The following TTLL5 variants were observed in gnomAD, a reference collection of about 807,000 sequenced individuals.
The protein encoded by TTLL5 is tubulin tyrosine ligase like 5.
Under a neutral mutation model 168.4 loss-of-function variants are expected in TTLL5, and 132 were observed. The observed-to-expected ratio is 0.78, with a 90% CI of 0.68 to 0.91. The LOEUF (loss-of-function observed/expected upper bound fraction) is 0.91. Among genes scored for constraint, TTLL5 ranks in the 40% least tolerant of loss-of-function variants. The pLI is 0.00. For missense variants in TTLL5, 1,545 were observed against 1,581.5 expected (o/e 0.98, Z 0.39); for synonymous variants, 546 against 558.6 (o/e 0.98, Z 0.32).
At chr14:75,880,204 T>A (rs546658318) in intron 29 of TTLL5, among the ~76,000 whole-genome samples, 2 of 151,660 alleles carry the variant, frequency 1.3e-5, no homozygotes, top group East Asian at 1.9e-4. Flanking sequence ...GTATTCTTTT[T>A]AAAAAAAACA....
In TTLL5 at chr14:75,865,818, T is replaced by A. The variant is rs140953540; in HGVS notation, c.3522+1956T>A. Among the ~76,000 whole-genome samples, 67 of 152,322 alleles carry A rather than the reference T, an allele frequency of 4.4e-4. No individual in the cohort carries two copies. In the East Asian group the frequency reaches 0.01, roughly 24 times the overall value. ...CACTGAATTATGAAGTATATGGAAA[T>A]TATGTTTTTTAGAATCTGTCAGAAT... is the stretch of plus-strand genomic sequence containing the variant. On this transcript the variant is annotated intron_variant, in intron 29 of 31. Transcript: ENST00000298832.
intron 3 of TTLL5, among the ~76,000 whole-genome samples, chr14:75,680,719 G>T (rs181959309): frequency 5.3e-5 from 8 of 150,872 alleles, no homozygotes; most frequent in African/African-American, 1.5e-4. Context: ...CCACCTCCCG[G>T]GTTCAAGTGA....
chr14:75,669,274 G>A, intron 2 of TTLL5, 142 bp from the exon 3 acceptor site: 1 of 708,678 alleles, frequency 1.4e-6, no homozygotes, highest in Non-Finnish European at 2.4e-6. Context: ...AAGAATGGGA[G>A]ATGTGATTTC....
chr14:75,927,797 A>G (rs949485349), intron 31 of TTLL5, among the ~76,000 whole-genome samples: 2 of 152,164 alleles, frequency 1.3e-5, no homozygotes, highest in Non-Finnish European at 2.9e-5. Context: ...TGCTTTCGTC[A>G]GCACAGAGCA....
intron 5 of TTLL5, among the ~76,000 whole-genome samples, chr14:75,686,323 T>C (rs1228467508): frequency 1.3e-5 from 2 of 152,218 alleles, no homozygotes; most frequent in African/African-American, 2.4e-5. Flanking sequence ...ATTTTCTTTA[T>C]AACTTTGCCT....
At chr14:75,689,039 G>C (rs1229491829) in intron 5 of TTLL5, among the ~76,000 whole-genome samples, 5 of 152,208 alleles carry the variant, frequency 3.3e-5, no homozygotes, top group African/African-American at 9.6e-5. Flanking sequence ...TATGACAGAA[G>C]TGATTATCGC....
intron 31 of TTLL5, among the ~76,000 whole-genome samples, chr14:75,915,373 A>G (rs1415145038): frequency 4.6e-5 from 7 of 152,120 alleles, no homozygotes; most frequent in Admixed American, 3.9e-4. Flanking sequence ...AGTTCTCTCA[A>G]CCCTTACTTG....
chr14:75,691,333 C>T (rs1885449471), intron 6 of TTLL5, among the ~76,000 whole-genome samples: 1 of 152,160 alleles, frequency 6.6e-6, no homozygotes. Flanking sequence ...GAGCCTGACT[C>T]AGTAGGCTTA....
At chr14:75,843,258 C>G (rs1896352918) in intron 28 of TTLL5, among the ~76,000 whole-genome samples, 1 of 152,136 alleles carries the variant, frequency 6.6e-6, no homozygotes, top group South Asian at 2.1e-4. Flanking sequence ...AGGCTTAGAC[C>G]TTTGTTTCTC....
At chr14:75,662,645 G>A (rs940602600) in intron 1 of TTLL5, among the ~76,000 whole-genome samples, 1 of 151,982 alleles carries the variant, frequency 6.6e-6, no homozygotes, top group Admixed American at 6.6e-5. Flanking sequence ...GGCCTGCAAG[G>A]GTCTTAAACC....
rs60865248 is a variant in TTLL5, at chr14:75,870,263, C to CTT, written c.3522+6416_3522+6417dup. On this transcript the variant is annotated intron_variant, in intron 29 of 31. Coordinates refer to ENST00000298832, the MANE Select transcript of TTLL5 (RefSeq NM_015072.5). ...TAGACGTCATCCCAATTACCTCAAT[C>CTT]TTTTTTTTTTTTTTTTCCTTTTTCT... Among the ~76,000 whole-genome samples, 377 of 140,606 alleles carry CTT rather than the reference C, an allele frequency of 2.7e-3. 1 individual carries two copies. The highest frequency in any genetic ancestry group is 3.8e-3 in the Middle Eastern group (1 of 266). 92.2% of individuals were successfully genotyped at this position (140,606 alleles called of 152,430 possible). A position where few individuals can be genotyped will look rare whatever the true frequency, so the allele number is the denominator to read the frequency against.
At chr14:75,779,972 T>G (rs374434989) in intron 24 of TTLL5, among the ~76,000 whole-genome samples, 1 of 152,170 alleles carries the variant, frequency 6.6e-6, no homozygotes, top group Non-Finnish European at 1.5e-5. Context: ...TGAACACTTA[T>G]CTTTCTGTCT....
chr14:75,894,507 C>T (rs1055425072), intron 30 of TTLL5, among the ~76,000 whole-genome samples: 1 of 151,622 alleles, frequency 6.6e-6, no homozygotes, highest in African/African-American at 2.4e-5. Flanking sequence ...GAGCCGAGAT[C>T]ACACGCCACT....
Position 75,902,009 on chromosome 14 carries a change from A to G in TTLL5, c.3741-133A>G, listed in dbSNP as rs534255609. 255 of 725,146 alleles carry G rather than the reference A, an allele frequency of 3.5e-4. 1 individual carries two copies. In the East Asian group the frequency reaches 5.2e-3, roughly 15 times the overall value. The allele number at this position is 725,146 out of a possible 1,614,324, so 44.9% of individuals were successfully genotyped here. ...TTCTCTGATAAGGTGACATTTGAAC[A>G]AAGCCTTGAAGGAAGTGAGTGAATG... On this transcript the variant is annotated intron_variant, in intron 30 of 31. Coordinates refer to ENST00000298832, the MANE Select transcript of TTLL5 (RefSeq NM_015072.5).
chr14:75,721,499 A>G (rs1887834002), intron 12 of TTLL5, among the ~76,000 whole-genome samples: 1 of 152,180 alleles, frequency 6.6e-6, no homozygotes, highest in Non-Finnish European at 1.5e-5. Flanking sequence ...ACAGGTAGTA[A>G]GGATATGAGA....
intron 27 of TTLL5, among the ~76,000 whole-genome samples, chr14:75,801,525 T>C (rs556399045): frequency 1.3e-5 from 2 of 152,192 alleles, no homozygotes; most frequent in Non-Finnish European, 2.9e-5. Flanking sequence ...TTGTTGACTG[T>C]AGTCACCCTG....
In TTLL5 at chr14:75,925,237, AC is replaced by A. The variant is rs1317053509; in HGVS notation, c.3823+23018del. Among the ~76,000 whole-genome samples, 4 of 95,020 alleles carry A rather than the reference AC, an allele frequency of 4.2e-5. 1 individual carries two copies. The South Asian group carries it at 1.5e-3, about 36-fold the overall frequency. The allele number at this position is 95,020 out of a possible 152,430, so 62.3% of individuals were successfully genotyped here. ...GGGGCGGCTGGCCTGGCGGGGGCTG[AC>A]CCCCACCTCCCTCCCGGACGGGGTG... On this transcript the variant is annotated intron_variant, in intron 31 of 31. Transcript: ENST00000298832.
intron 28 of TTLL5, among the ~76,000 whole-genome samples, chr14:75,832,109 C>A (rs939123413): frequency 7.2e-5 from 11 of 152,126 alleles, no homozygotes; most frequent in Non-Finnish European, 1.3e-4. Context: ...ACACCCCCAC[C>A]CCCACAGCAA....
At chr14:75,751,065 A>T (rs1275619971) in intron 17 of TTLL5, among the ~76,000 whole-genome samples, 3 of 152,122 alleles carry the variant, frequency 2.0e-5, no homozygotes, top group African/African-American at 7.2e-5. Flanking sequence ...CTCATTTCAG[A>T]TCCCTTGCTG....
Sources: gnomAD v4.1 joint callset for allele counts (sites outside exome capture counted in the v4.1 genomes callset) on GRCh38, gnomAD v4.1.1 for gene constraint, MANE v1.5 for transcripts, NCBI Gene and HGNC (gene_info 2026-07-23, HGNC 2026-07-21) for gene names.